Variants in SOX6 observed in about 807,000 individuals in gnomAD.
SOX6 encodes the protein transcription factor SOX-6.
SOX6 carries 11 observed loss-of-function variants against 97.8 expected under a neutral mutation model. That is an observed-to-expected ratio of 0.11 (90% CI 0.07 to 0.19). SOX6 has a LOEUF of 0.19. SOX6 is among the 10% of genes least tolerant of loss of function. The pLI is 1.00. For missense variants in SOX6, 810 were observed against 1,039.5 expected (o/e 0.78, Z 3.04); for synonymous variants, 360 against 371.4 (o/e 0.97, Z 0.35).
At chr11:16,124,909 A>T (rs562507543) in intron 6 of SOX6, among the ~76,000 whole-genome samples, 1 of 152,156 alleles carries the variant, frequency 6.6e-6, no homozygotes, top group African/African-American at 2.4e-5. Flanking sequence ...GGATAATGGG[A>T]CCAGTTTAGA....
chr11:16,380,751 C>G (rs1368099208), intron 1 of SOX6, among the ~76,000 whole-genome samples: 1 of 152,074 alleles, frequency 6.6e-6, no homozygotes, highest in Non-Finnish European at 1.5e-5. Context: ...TCAAGCAAAT[C>G]ACCTCTATAT....
At chr11:16,165,955 G>C (rs1850878128) in intron 6 of SOX6, among the ~76,000 whole-genome samples, 1 of 150,288 alleles carries the variant, frequency 6.7e-6, no homozygotes. Context: ...GGTAATATTT[G>C]TAAAGGACTT....
chr11:16,499,323 A>C (rs1860662021), intron 4 of SOX6, among the ~76,000 whole-genome samples: 1 of 152,212 alleles, frequency 6.6e-6, no homozygotes. Flanking sequence ...GTAGAGGGAA[A>C]TTTATAGCAC....
At chr11:16,369,546 C>T (rs1199406504) in intron 1 of SOX6, among the ~76,000 whole-genome samples, 1 of 152,108 alleles carries the variant, frequency 6.6e-6, no homozygotes, top group East Asian at 1.9e-4. Context: ...GTTTTGTAAA[C>T]CAAGTCATTC....
intron 3 of SOX6, among the ~76,000 whole-genome samples, chr11:16,257,158 C>T (rs1459249759): frequency 6.6e-6 from 1 of 151,872 alleles, no homozygotes; most frequent in Non-Finnish European, 1.5e-5. Context: ...AGATTCAATG[C>T]AATCCCAATC....
intron 3 of SOX6, among the ~76,000 whole-genome samples, chr11:16,632,396 T>G (rs796390485): frequency 6.6e-6 from 1 of 152,208 alleles, no homozygotes; most frequent in South Asian, 2.1e-4. Flanking sequence ...TAGATGGCAC[T>G]TATCAATAAC....
At chr11:16,151,352 C>T (rs929252543) in intron 6 of SOX6, among the ~76,000 whole-genome samples, 1 of 152,112 alleles carries the variant, frequency 6.6e-6, no homozygotes, top group Admixed American at 6.6e-5. Flanking sequence ...CTTTTCCGAT[C>T]GCTCTTGCAG....
rs59320140 is a variant in SOX6, at chr11:16,567,561, C to CTTTTTTTT, written n.609+44512_609+44519dup. Among the ~76,000 whole-genome samples, 61 of 87,352 alleles carry CTTTTTTTT rather than the reference C, an allele frequency of 7.0e-4. 1 individual carries two copies. The highest frequency in any genetic ancestry group is 1.0e-3 in the Non-Finnish European group (44 of 43,732). 57.3% of individuals were successfully genotyped at this position (87,352 alleles called of 152,430 possible). A position where few individuals can be genotyped will look rare whatever the true frequency, so the allele number is the denominator to read the frequency against. On this transcript the variant is annotated intron_variant and non_coding_transcript_variant, in intron 4 of 5. Transcript: ENST00000524520. ...TATTAATGGTATGTCATATTTTTTT[C>CTTTTTTTT]TTTTTTTTTTTTTTTTTTTTTTTTT...
intron 6 of SOX6, among the ~76,000 whole-genome samples, chr11:16,135,264 C>G (rs755678565): frequency 3.3e-5 from 5 of 152,168 alleles, no homozygotes; most frequent in Admixed American, 6.6e-5. Context: ...TTCATGCCTG[C>G]TAACCCAACA....
intron 4 of SOX6, among the ~76,000 whole-genome samples, chr11:16,532,387 T>A (rs1861248886): frequency 6.6e-6 from 1 of 151,932 alleles, no homozygotes; most frequent in Non-Finnish European, 1.5e-5. Context: ...TAATCTCTTC[T>A]ACACTGGGCT....
intron 13 of SOX6, among the ~76,000 whole-genome samples, chr11:15,994,476 A>G (rs941923924): frequency 2.0e-5 from 3 of 152,040 alleles, no homozygotes; most frequent in African/African-American, 7.2e-5. Context: ...TGAAATTAGA[A>G]AAGTAAATAG....
intron 2 of SOX6, among the ~76,000 whole-genome samples, chr11:16,327,489 C>A (rs1251435242): frequency 6.6e-6 from 1 of 152,050 alleles, no homozygotes; most frequent in African/African-American, 2.4e-5. Flanking sequence ...CACCTCAAAC[C>A]AATTCCATTG....
In SOX6 at chr11:16,595,451, A is replaced by C. The variant is rs547072838; in HGVS notation, n.609+16630T>G. On this transcript the variant is annotated intron_variant and non_coding_transcript_variant, in intron 4 of 5. Coordinates refer to the SOX6 transcript ENST00000524520. Reference sequence around the variant, plus strand: ...AAGAAGGCCTGCTGGCTCAGAGAAAAGGCATTCAAAAGTTATTAGAAAACA... The same window carrying C: ...AAGAAGGCCTGCTGGCTCAGAGAAACGGCATTCAAAAGTTATTAGAAAACA... Among the ~76,000 whole-genome samples the C allele has an allele frequency of 1.4e-3, 208 of 152,244 alleles. 1 individual carries two copies. Among genetic ancestry groups the C allele is most frequent in the African/African-American group, 5.0e-3 (206 of 41,550 alleles).
intron 12 of SOX6, among the ~76,000 whole-genome samples, chr11:16,043,840 A>C (rs1298794556): frequency 6.6e-6 from 1 of 152,028 alleles, no homozygotes; most frequent in Admixed American, 6.6e-5. Context: ...AGCTGGAGAG[A>C]GTCACCTCAC....
At chr11:16,234,460 A>G (rs2134175671) in intron 4 of SOX6, 122 bp downstream of exon 4, 2 of 642,246 alleles carry the variant, frequency 3.1e-6, no homozygotes, top group African/African-American at 1.8e-5. Flanking sequence ...TCACCCTCTC[A>G]TGTACAATCA....
At chr11:16,702,117 T>G (rs985991278) in intron 3 of SOX6, among the ~76,000 whole-genome samples, 4 of 152,074 alleles carry the variant, frequency 2.6e-5, no homozygotes, top group Admixed American at 2.6e-4. Flanking sequence ...GGAAATAGAG[T>G]GAACGAATTT....
At chr11:16,525,634 G>A (rs1186487669) in intron 4 of SOX6, among the ~76,000 whole-genome samples, 8 of 151,642 alleles carry the variant, frequency 5.3e-5, no homozygotes, top group Admixed American at 2.0e-4. Flanking sequence ...TGACAAATGG[G>A]ATCTAATTAA....
At chr11:16,510,274 C>T (rs908725554) in intron 4 of SOX6, among the ~76,000 whole-genome samples, 1 of 152,026 alleles carries the variant, frequency 6.6e-6, no homozygotes, top group Non-Finnish European at 1.5e-5. Context: ...TACTCATTTA[C>T]TTCCTTTTTC....
chr11:16,713,934 C>T (rs1329234288), intron 3 of SOX6, among the ~76,000 whole-genome samples: 1 of 152,182 alleles, frequency 6.6e-6, no homozygotes, highest in Admixed American at 6.5e-5. Flanking sequence ...CACATGGTGT[C>T]CATACTCACG....
Sources: gnomAD v4.1 joint callset for allele counts (sites outside exome capture counted in the v4.1 genomes callset) on GRCh38, gnomAD v4.1.1 for gene constraint, MANE v1.5 for transcripts, NCBI Gene and HGNC (gene_info 2026-07-23, HGNC 2026-07-21) for gene names.